ADGRG6: variants seen among roughly 807,000 people sequenced by gnomAD.
ADGRG6 encodes the protein G-protein coupled receptor 126.
A neutral mutation model predicts 142.4 loss-of-function variants in ADGRG6; 84 were observed. That is an observed-to-expected ratio of 0.59 (90% CI 0.49 to 0.71). The LOEUF is 0.71. Ranked by LOEUF, ADGRG6 falls within the 30% of genes least tolerant of loss-of-function variation. The pLI is 0.00. For missense variants in ADGRG6, 1,367 were observed against 1,466.6 expected, an observed-to-expected ratio of 0.93 and a Z score of 1.11; for synonymous variants, 521 against 520.5, an observed-to-expected ratio of 1.00 and a Z score of -0.01.
At chr6:142,351,017 C>T (rs1476950474) in intron 2 of ADGRG6, among the ~76,000 whole-genome samples, 2 of 151,996 alleles carry the variant, frequency 1.3e-5, no homozygotes, top group East Asian at 3.9e-4. Context: ...GGGTGGATCA[C>T]GAGGTCAGGA....
At position 142,402,742 on chromosome 6, in the gene ADGRG6, A is replaced by G; in HGVS notation, c.1867A>G (p.Ile623Val). The G allele has an allele frequency of 1.3e-6, 2 of 1,599,116 alleles. No individual in the cohort carries two copies. The highest frequency in any genetic ancestry group is 1.7e-6 in the Non-Finnish European group (2 of 1,166,920). Residue 623 changes from isoleucine to valine, a missense_variant, in exon 13 of 25, where the codon ATT becomes GTT. Ile to Val is a conservative substitution (Grantham distance 29). This residue lies in a region of ADGRG6 where 737 missense variants were observed against 746.5 expected (regional missense o/e 0.99). Transcript: ENST00000367609. ...VKRIVNKEEN[I>V]DITLGSTLMN... The stretch of plus-strand genomic sequence containing the variant: ...AAGAATTGTGAATAAAGAAGAAAAC[A>G]TTGATATAACACTTGGCTCAACTCT...
At chr6:142,396,697 T>A (rs1366703558) in intron 9 of ADGRG6, among the ~76,000 whole-genome samples, 1 of 152,162 alleles carries the variant, frequency 6.6e-6, no homozygotes, top group Non-Finnish European at 1.5e-5. Flanking sequence ...CTTATTCATT[T>A]CTCCTCTGAA....
At chr6:142,303,192 G>A (rs72986537) in intron 1 of ADGRG6, among the ~76,000 whole-genome samples, 4,659 of 152,196 alleles carry the variant, frequency 0.031, 124 homozygotes, top group Non-Finnish European at 0.048. Context: ...GACGGACACC[G>A]TGACAGACAT....
At chr6:142,426,371 G>C (rs1157459111) in intron 22 of ADGRG6, among the ~76,000 whole-genome samples, 1 of 152,202 alleles carries the variant, frequency 6.6e-6, no homozygotes, top group Non-Finnish European at 1.5e-5. Context: ...CAGCAGGGCA[G>C]TCAAATCTTA....
intron 22 of ADGRG6, among the ~76,000 whole-genome samples, chr6:142,420,389 G>A (rs1776605185): frequency 6.6e-6 from 1 of 152,136 alleles, no homozygotes; most frequent in African/African-American, 2.4e-5. Context: ...GAATGAATAT[G>A]GAGCAAGGGA....
intron 2 of ADGRG6, among the ~76,000 whole-genome samples, chr6:142,318,719 A>G (rs1001967806): frequency 6.6e-6 from 1 of 151,986 alleles, no homozygotes; most frequent in African/African-American, 2.4e-5. Context: ...GGATCTGGGC[A>G]GAGAAGGGAG....
Position 142,339,422 on chromosome 6 carries a change from CAG to C in ADGRG6, c.104-28144_104-28143del, listed in dbSNP as rs138163693. Among the ~76,000 whole-genome samples the C allele has an allele frequency of 7.6e-3, 1,165 of 152,308 alleles. 12 individuals carry two copies. The highest frequency in any genetic ancestry group is 0.027 in the African/African-American group (1,111 of 41,554). ...AACATGCTTCCATCAGGGCTAATATCAGAGCTTTCTGGAAACCACACTAAAAT... is the reference window on the plus strand; with the variant it reads ...AACATGCTTCCATCAGGGCTAATATCAGCTTTCTGGAAACCACACTAAAAT... On this transcript the variant is annotated intron_variant, in intron 2 of 24. Coordinates refer to ENST00000367609, the MANE Select transcript of ADGRG6 (RefSeq NM_198569.3).
At position 142,415,053 on chromosome 6, in the gene ADGRG6, G is replaced by A. The variant is rs748299525; in HGVS notation, c.2626G>A (p.Ala876Thr). The change falls in exon 19 of 25, where the codon GCT becomes ACT. Residue 876 changes from alanine to threonine, a missense_variant. By Grantham distance (58) the Ala-to-Thr change is moderately conservative (BLOSUM62 0). This residue lies in a region of ADGRG6 where 286 missense variants were observed against 371.4 expected (regional missense o/e 0.77). Transcript: ENST00000367609. Reference protein sequence around the residue: ...FISYIGCGISAIFSAATLLTY... With the variant: ...FISYIGCGISTIFSAATLLTY... Reference sequence around the variant, plus strand: ...CAGCTATATTGGGTGTGGAATATCTGCTATTTTTTCAGCAGCAACTCTCCT... The same window carrying A: ...CAGCTATATTGGGTGTGGAATATCTACTATTTTTTCAGCAGCAACTCTCCT... 1.2e-5 allele frequency: 20 copies of A among 1,611,490 alleles called. No individual in the cohort carries two copies. The highest frequency in any genetic ancestry group is 1.6e-5 in the Non-Finnish European group (19 of 1,178,556).
rs950735014 is a variant in ADGRG6, at chr6:142,439,439, G to A, written c.3574+1075G>A. Among the ~76,000 whole-genome samples the A allele has an allele frequency of 1.1e-4, 16 of 152,328 alleles. No homozygotes were observed. The East Asian group carries it at 1.9e-3, about 18-fold the overall frequency. ...GCAAATAGGGAGTAAGGTGTGTGAT[G>A]TGTCTGTAATTATTCATATTGCAAA... is the stretch of plus-strand genomic sequence containing the variant. On this transcript the variant is annotated intron_variant, in intron 24 of 24. Coordinates refer to ENST00000367609, the MANE Select transcript of ADGRG6 (RefSeq NM_198569.3).
chr6:142,337,842 C>T (rs986441871), intron 2 of ADGRG6, among the ~76,000 whole-genome samples: 1 of 151,440 alleles, frequency 6.6e-6, no homozygotes, highest in African/African-American at 2.4e-5. Flanking sequence ...CTATACTGAT[C>T]TTGATAGGGA....
chr6:142,393,060 T>C, intron 8 of ADGRG6, 60 bp downstream of exon 8: 1 of 908,944 alleles, frequency 1.1e-6, no homozygotes, highest in African/African-American at 1.6e-5. Flanking sequence ...TGCTACTATT[T>C]GTCTCTCTGA....
Position 142,370,912 on chromosome 6 carries a change from A to T in ADGRG6, c.1069+119A>T, listed in dbSNP as rs1349223721. On this transcript the variant is annotated intron_variant, in intron 4 of 24. Coordinates refer to ENST00000367609, the MANE Select transcript of ADGRG6 (RefSeq NM_198569.3). ...CCTGTATGTATATTCACACATATAG[A>T]CATATATATATATGTTGTCATTAAA... is the stretch of plus-strand genomic sequence containing the variant. 66 of 964,494 alleles carry T rather than the reference A, an allele frequency of 6.8e-5. No individual in the cohort carries two copies. In the Admixed American group the frequency reaches 7.7e-4, roughly 11 times the overall value. 59.7% of individuals were successfully genotyped at this position (964,494 alleles called of 1,614,324 possible).
intron 4 of ADGRG6, among the ~76,000 whole-genome samples, chr6:142,381,489 G>GA (rs1234347340): frequency 1.3e-5 from 2 of 152,192 alleles, no homozygotes; most frequent in African/African-American, 2.4e-5. Flanking sequence ...CACAGAGACT[G>GA]AATTGAAGTC....
At chr6:142,412,076 A>G (rs935024575) in intron 18 of ADGRG6, among the ~76,000 whole-genome samples, 2 of 152,148 alleles carry the variant, frequency 1.3e-5, no homozygotes, top group African/African-American at 4.8e-5. Flanking sequence ...ACAGTTTTAA[A>G]CAAAATTAGA....
At chr6:142,314,365 G>T (rs1323750417) in intron 2 of ADGRG6, among the ~76,000 whole-genome samples, 1 of 152,188 alleles carries the variant, frequency 6.6e-6, no homozygotes, top group African/African-American at 2.4e-5. Context: ...GATGTCAGGT[G>T]TCCTACTTTT....
rs562940730 is a variant in ADGRG6, at chr6:142,308,195, A to T, written c.3-1349A>T. ...CTGAGTGTCAGGAACTGTTCTTGAA[A>T]GGCATCGTCTTATGTAATCATCTCA... On this transcript the variant is annotated intron_variant, in intron 1 of 24. Transcript: ENST00000367609. 1.1e-4 allele frequency among the ~76,000 whole-genome samples: 16 copies of T among 152,124 alleles called. 1 individual carries two copies. In the South Asian group the frequency reaches 3.3e-3, roughly 32 times the overall value.
intron 22 of ADGRG6, among the ~76,000 whole-genome samples, chr6:142,430,995 G>A (rs1469986075): frequency 2.0e-5 from 3 of 151,884 alleles, no homozygotes; most frequent in Non-Finnish European, 2.9e-5. Context: ...TGTGTTACTT[G>A]CAACACCCTT....
At chr6:142,370,056 A>G (rs1016173750) in intron 3 of ADGRG6, 114 bp from the exon 4 acceptor site, 1 of 758,840 alleles carries the variant, frequency 1.3e-6, no homozygotes, top group Non-Finnish European at 2.1e-6. Context: ...GATGGGGCAA[A>G]TGGTAGGTAA....
rs1441184993 is a variant in ADGRG6, at chr6:142,317,855, TTTATA to T, written c.103+8219_103+8223del. ...TATATATATTTATATATAATATATATTTATATTATATTTTTATATATTATATATAT... is the reference window on the plus strand; with the variant it reads ...TATATATATTTATATATAATATATATTTATATTTTTATATATTATATATAT... On this transcript the variant is annotated intron_variant, in intron 2 of 24. Coordinates refer to ENST00000367609, the MANE Select transcript of ADGRG6 (RefSeq NM_198569.3). Among the ~76,000 whole-genome samples the T allele has an allele frequency of 1.2e-3, 102 of 83,554 alleles. 1 individual carries two copies. In the Admixed American group the frequency reaches 0.017, roughly 14 times the overall value. The allele number at this position is 83,554 out of a possible 152,430, so 54.8% of individuals were successfully genotyped here.
Sources: allele counts gnomAD v4.1 joint callset (sites outside exome capture counted in the v4.1 genomes callset), GRCh38; gene constraint gnomAD v4.1.1; regional missense constraint gnomAD v4.1.1; transcripts MANE v1.5; gene names NCBI Gene and HGNC (gene_info 2026-07-23, HGNC 2026-07-21).